Variants in ROBO2 observed in about 807,000 individuals in gnomAD.
The protein encoded by ROBO2 is roundabout guidance receptor 2, also known as roundabout homolog 2.
ROBO2 carries 53 observed loss-of-function variants against 160.8 expected under a neutral mutation model. The observed-to-expected ratio is 0.33, with a 90% CI of 0.26 to 0.41. The LOEUF is 0.41. ROBO2 is among the 10% of genes least tolerant of loss of function. The probability of loss-of-function intolerance (pLI) is 1.00; values close to 1 mark genes in which losing one functional copy is unlikely to be tolerated. For missense variants in ROBO2, 1,577 were observed against 1,722.4 expected (o/e 0.92, Z 1.49); for synonymous variants, 664 against 611.7 (o/e 1.09, Z -1.26).
chr3:76,825,094 T>A (rs769202249), intron 2 of ROBO2, among the ~76,000 whole-genome samples: 1 of 152,124 alleles, frequency 6.6e-6, no homozygotes, highest in Non-Finnish European at 1.5e-5. Context: ...CTAGGAGTAA[T>A]AATTATAAAT....
At chr3:76,125,355 A>G (rs554555077) in intron 2 of ROBO2, among the ~76,000 whole-genome samples, 16 of 152,200 alleles carry the variant, frequency 1.1e-4, no homozygotes, top group African/African-American at 3.9e-4. Context: ...TCCTTTGAGT[A>G]TATGCCAGTC....
chr3:75,960,617 A>G (rs1948876173), intron 2 of ROBO2, among the ~76,000 whole-genome samples: 1 of 151,854 alleles, frequency 6.6e-6, no homozygotes, highest in Non-Finnish European at 1.5e-5. Flanking sequence ...GGATCTTGAA[A>G]TGTGGTATGC....
chr3:76,306,414 A>C (rs1302493678), intron 2 of ROBO2, among the ~76,000 whole-genome samples: 1 of 152,140 alleles, frequency 6.6e-6, no homozygotes, highest in Non-Finnish European at 1.5e-5. Flanking sequence ...TATCCTTATT[A>C]AGAAAATAAA....
At chr3:76,723,741 T>C (rs1367935227) in intron 2 of ROBO2, among the ~76,000 whole-genome samples, 1 of 152,244 alleles carries the variant, frequency 6.6e-6, no homozygotes, top group African/African-American at 2.4e-5. Flanking sequence ...ATCCAAAGTC[T>C]TGCTTTCATA....
chr3:77,545,310 G>C (rs1435445847), intron 6 of ROBO2, among the ~76,000 whole-genome samples: 1 of 152,020 alleles, frequency 6.6e-6, no homozygotes, highest in East Asian at 1.9e-4. Flanking sequence ...TCCTAAGCTT[G>C]TTCTTGCTTC....
chr3:76,566,132 A>G (rs1380790459), intron 2 of ROBO2, among the ~76,000 whole-genome samples: 1 of 152,194 alleles, frequency 6.6e-6, no homozygotes, highest in Non-Finnish European at 1.5e-5. Context: ...ACTCAAGAGT[A>G]CTTTCAGAAC....
intron 2 of ROBO2, among the ~76,000 whole-genome samples, chr3:77,295,339 C>T (rs1235627369): frequency 6.7e-6 from 1 of 149,444 alleles, no homozygotes; most frequent in Admixed American, 6.6e-5. Context: ...GGCTAGATCA[C>T]CAAAGACATA....
intron 2 of ROBO2, among the ~76,000 whole-genome samples, chr3:77,211,590 T>C (rs901598636): frequency 6.6e-6 from 1 of 152,190 alleles, no homozygotes; most frequent in Non-Finnish European, 1.5e-5. Context: ...TAGATCCCAT[T>C]TGTCAATTTT....
intron 2 of ROBO2, among the ~76,000 whole-genome samples, chr3:76,400,985 G>A (rs752881084): frequency 4.6e-5 from 7 of 151,470 alleles, no homozygotes; most frequent in Admixed American, 1.3e-4. Flanking sequence ...AAATATCTCT[G>A]GCTCTCTTGC....
chr3:76,058,279 G>T (rs1388413168), intron 2 of ROBO2, among the ~76,000 whole-genome samples: 2 of 152,020 alleles, frequency 1.3e-5, no homozygotes, highest in African/African-American at 4.8e-5. Flanking sequence ...ACAGGCCCCA[G>T]TGTGTGATGT....
At chr3:76,336,583 T>G (rs1339834273) in intron 2 of ROBO2, among the ~76,000 whole-genome samples, 1 of 152,224 alleles carries the variant, frequency 6.6e-6, no homozygotes, top group East Asian at 1.9e-4. Context: ...TGCTACTTTC[T>G]TTAAATTATA....
intron 2 of ROBO2, among the ~76,000 whole-genome samples, chr3:77,393,774 A>G (rs2074989025): frequency 6.6e-6 from 1 of 151,838 alleles, no homozygotes; most frequent in Admixed American, 6.6e-5. Flanking sequence ...CTATTCATAT[A>G]CTAGCTGTTG....
At chr3:77,555,353 G>GT (rs1485726267) in intron 8 of ROBO2, among the ~76,000 whole-genome samples, 1 of 151,798 alleles carries the variant, frequency 6.6e-6, no homozygotes, top group Non-Finnish European at 1.5e-5. Context: ...TTAGAGCAGT[G>GT]TATCTGTTGT....
chr3:77,438,190 G>C (rs1181261013), intron 2 of ROBO2, among the ~76,000 whole-genome samples: 3 of 151,448 alleles, frequency 2.0e-5, no homozygotes, highest in African/African-American at 7.3e-5. Context: ...AGATAGATAG[G>C]TAGATAGATG....
At chr3:76,411,338 G>C (rs1559903734) in intron 2 of ROBO2, among the ~76,000 whole-genome samples, 1 of 152,068 alleles carries the variant, frequency 6.6e-6, no homozygotes, top group Admixed American at 6.6e-5. Flanking sequence ...GAGATACCTA[G>C]ATAAGCAGAA....
chr3:75,966,176 A>G (rs1186572977), intron 2 of ROBO2, among the ~76,000 whole-genome samples: 1 of 151,808 alleles, frequency 6.6e-6, no homozygotes, highest in African/African-American at 2.4e-5. Context: ...CTGTTAAGAT[A>G]AAGAAGTAAT....
At chr3:76,131,055 T>C (rs917083481) in intron 2 of ROBO2, among the ~76,000 whole-genome samples, 1 of 152,154 alleles carries the variant, frequency 6.6e-6, no homozygotes, top group South Asian at 2.1e-4. Context: ...TAGTAATTGA[T>C]AGAAATTTTC....
intron 2 of ROBO2, among the ~76,000 whole-genome samples, chr3:77,295,321 T>C (rs1310392801): frequency 6.7e-6 from 1 of 149,084 alleles, no homozygotes; most frequent in Non-Finnish European, 1.5e-5. Flanking sequence ...GCTAAACGGG[T>C]AAGCTGAGGC....
At chr3:76,212,586 TA>T (rs1234536988) in intron 2 of ROBO2, among the ~76,000 whole-genome samples, 2 of 152,042 alleles carry the variant, frequency 1.3e-5, no homozygotes, top group Non-Finnish European at 2.9e-5. Flanking sequence ...AAAGTAGGTG[TA>T]AAAAAATAGT....
Sources: gnomAD v4.1 joint callset for allele counts (sites outside exome capture counted in the v4.1 genomes callset) on GRCh38, gnomAD v4.1.1 for gene constraint, MANE v1.5 for transcripts, NCBI Gene and HGNC (gene_info 2026-07-23, HGNC 2026-07-21) for gene names.